The following AARS1 variants were observed in gnomAD, a reference collection of about 807,000 sequenced individuals.
AARS1 encodes alanine--tRNA ligase, cytoplasmic.
AARS1 carries 72 observed loss-of-function variants against 108.9 expected under a neutral mutation model. The observed-to-expected ratio is 0.66, with a 90% confidence interval of 0.55 to 0.80. The LOEUF (loss-of-function observed/expected upper bound fraction) is 0.80. Among genes scored for constraint, AARS1 ranks in the 30% least tolerant of loss-of-function variants. The pLI is 0.00. For synonymous variants in AARS1, 489 were observed against 465.7 expected (o/e 1.05, Z -0.64); for missense variants, 1,193 against 1,233.2 (o/e 0.97, Z 0.49).
At chr16:70,254,066 C>A (rs752099746) in intron 17 of AARS1, 28 bp from the exon 18 acceptor site, 59 of 1,613,114 alleles carry the variant, frequency 3.7e-5, no homozygotes, top group Non-Finnish European at 5.0e-5. Context: ...CCATCTCAAT[C>A]TGGGCCACAA....
Position 70,252,874 on chromosome 16 carries a change from C to T in AARS1, c.2754G>A (p.Glu918=), listed in dbSNP as rs754523456. The change falls in exon 21 of 21, where the codon GAG becomes GAA. Residue 918 remains glutamate (E), a synonymous_variant. Coordinates refer to ENST00000261772, the MANE Select transcript of AARS1 (RefSeq NM_001605.3). ...NAANRGLKAS[E]WVQQVSGLMD... is the part of the protein sequence containing the mutation. ...TCAAGCCTGACACCTGCTGCACCCACTCGCTGGCTTTTAAGCCCCGATTGG... is the reference window on the plus strand; with the variant it reads ...TCAAGCCTGACACCTGCTGCACCCATTCGCTGGCTTTTAAGCCCCGATTGG... 8 of 1,614,142 alleles carry T rather than the reference C, an allele frequency of 5.0e-6. No homozygotes were observed. The Admixed American group carries it at 5.0e-5, about 10-fold the overall frequency.
chr16:70,270,088 T>C, intron 6 of AARS1, 108 bp downstream of exon 6: 8 of 1,383,324 alleles, frequency 5.8e-6, no homozygotes, highest in Non-Finnish European at 8.2e-6. Flanking sequence ...TGGAAATGGG[T>C]ACCCTTGGCT....
At chr16:70,262,906 T>G (rs1960169287) in intron 11 of AARS1, among the ~76,000 whole-genome samples, 1 of 131,184 alleles carries the variant, frequency 7.6e-6, no homozygotes, top group African/African-American at 3.0e-5. Flanking sequence ...AGGCGGAGCT[T>G]GCAGTGAGCC....
chr16:70,283,185 T>G, intron 1 of AARS1, among the ~76,000 whole-genome samples: 1 of 151,994 alleles, frequency 6.6e-6, no homozygotes, highest in East Asian at 1.9e-4. Context: ...GATCACAAGG[T>G]CAGGAGTTCA....
At position 70,265,642 on chromosome 16, in the gene AARS1, A is replaced by C; in HGVS notation, c.1243T>G (p.Tyr415Asp). The change falls in exon 10 of 21, where the codon TAT becomes GAT. Residue 415 changes from tyrosine to aspartate, a missense_variant. Transcript: ENST00000261772. The part of the protein sequence containing the change: ...TIPGDTAWLL[Y>D]DTYGFPVDLT... ...TCCACTGGAAACCCATAGGTGTCAT[A>C]GAGGAGCCAAGCAGTGTCTCCTACA... 6.2e-7 allele frequency: 1 copy of C among 1,613,954 alleles called. No homozygotes were observed. Among genetic ancestry groups the C allele is most frequent in the Non-Finnish European group, 8.5e-7 (1 of 1,179,882 alleles).
intron 5 of AARS1, 51 bp from the exon 6 acceptor site, chr16:70,270,391 C>G (rs1307175655): frequency 6.2e-7 from 1 of 1,606,242 alleles, no homozygotes; most frequent in Non-Finnish European, 8.5e-7. Context: ...AAGCTGCCAC[C>G]TCTCCAGTCC....
chr16:70,255,384 G>C (rs757358340), intron 16 of AARS1, among the ~76,000 whole-genome samples: 1 of 151,942 alleles, frequency 6.6e-6, no homozygotes, highest in Non-Finnish European at 1.5e-5. Context: ...ATTTTTAGTA[G>C]AGACAGGGTT....
At position 70,255,828 on chromosome 16, in the gene AARS1, C is replaced by T. The variant is rs142850278; in HGVS notation, c.2186G>A (p.Arg729Gln). ...SVEFCGGTHL[R>Q]NSSHAGAFVI... ...AAAAGCTCCTGCATGACTCGAGTTC[C>T]GCAGGTGCCTGAATGGCAGAACACA... Residue 729 changes from arginine (R) to glutamine (Q), a missense_variant, in exon 16 of 21, where the codon CGG becomes CAG. Coordinates refer to ENST00000261772, the MANE Select transcript of AARS1 (RefSeq NM_001605.3). 79 of 1,613,434 alleles carry T rather than the reference C, an allele frequency of 4.9e-5. No homozygotes were observed. Among genetic ancestry groups the T allele is most frequent in the East Asian group, 1.3e-4 (6 of 44,842 alleles).
intron 9 of AARS1, among the ~76,000 whole-genome samples, chr16:70,267,379 C>A (rs1960287974): frequency 6.6e-6 from 1 of 152,146 alleles, no homozygotes; most frequent in Admixed American, 6.6e-5. Flanking sequence ...GAGTTCTACA[C>A]CAAACCATTA....
chr16:70,277,193 C>G, intron 2 of AARS1, 39 bp from the exon 3 acceptor site: 1 of 1,596,548 alleles, frequency 6.3e-7, no homozygotes, highest in Non-Finnish European at 8.6e-7. Context: ...TTAAAGGGTG[C>G]AAGTGATGTC....
At position 70,259,113 on chromosome 16, in the gene AARS1, C is replaced by T; in HGVS notation, c.1859G>A (p.Gly620Glu). 6.2e-7 allele frequency: 1 copy of T among 1,614,162 alleles called. No individual in the cohort carries two copies. Among genetic ancestry groups the T allele is most frequent in the Non-Finnish European group, 8.5e-7 (1 of 1,180,032 alleles). Residue 620 changes from glycine to glutamate, a missense_variant, in exon 14 of 21, where the codon GGG (glycine) becomes GAG (glutamate). Transcript: ENST00000261772. ...CAATGAGCCTTTCTGGTCAGCTTCC[C>T]CAAGCACTGAGCGCAGGGCGAAGTT... ...ILNFALRSVL[G>E]EADQKGSLVA... is the part of the protein sequence containing the mutation.
chr16:70,287,128 G>A (rs1190927975), intron 1 of AARS1, among the ~76,000 whole-genome samples: 2 of 151,492 alleles, frequency 1.3e-5, no homozygotes, highest in Non-Finnish European at 2.9e-5. Context: ...GCGGGCGCCT[G>A]TAGTCCCAGC....
intron 2 of AARS1, among the ~76,000 whole-genome samples, 191 bp downstream of exon 2, chr16:70,282,429 C>G (rs953805642): frequency 6.6e-6 from 1 of 151,718 alleles, no homozygotes; most frequent in Non-Finnish European, 1.5e-5. Context: ...ATTCGCTTCT[C>G]ACTAATACCT....
chr16:70,288,098 CTTTTTTTTTTT>C (rs34369477), intron 1 of AARS1, among the ~76,000 whole-genome samples: 1 of 83,888 alleles, frequency 1.2e-5, no homozygotes, highest in Non-Finnish European at 2.2e-5. Flanking sequence ...TCCCCTTCTT[CTTTTTTTTTTT>C]TTTTTTTTTT....
At chr16:70,282,101 C>G in intron 2 of AARS1, among the ~76,000 whole-genome samples, 1 of 135,956 alleles carries the variant, frequency 7.4e-6, no homozygotes, top group Non-Finnish European at 1.6e-5. Flanking sequence ...GCAGTGAGCA[C>G]AGATCACGCC....
intron 20 of AARS1, 148 bp from the exon 21 acceptor site, chr16:70,253,054 G>C (rs1959881502): frequency 5.8e-6 from 6 of 1,038,158 alleles, no homozygotes; most frequent in African/African-American, 1.6e-5. Flanking sequence ...GCTGGTACAG[G>C]GGGCGGCCAT....
intron 2 of AARS1, among the ~76,000 whole-genome samples, chr16:70,278,373 C>G (rs1960603721): frequency 6.6e-6 from 1 of 151,838 alleles, no homozygotes; most frequent in Non-Finnish European, 1.5e-5. Flanking sequence ...CGAGACCAGC[C>G]TGACCAACAT....
rs955678548 is a variant in AARS1 at position 70,253,670 on chromosome 16, G to A, written c.2607+44C>T. 1.3e-5 allele frequency: 21 copies of A among 1,597,486 alleles called. No individual in the cohort carries two copies. The highest frequency in any genetic ancestry group is 1.7e-5 in the Admixed American group (1 of 60,004). ...CAGAGGCCACATGTCAGCCACCAGA[G>A]AGCTGATGAGCCCTAGGGGAGGGGA... On this transcript the variant is annotated intron_variant, in intron 19 of 20. Transcript: ENST00000261772.
chr16:70,266,527 TC>T (rs1960267625), intron 9 of AARS1, among the ~76,000 whole-genome samples: 1 of 150,568 alleles, frequency 6.6e-6, no homozygotes. Context: ...TGGACAATTT[TC>T]TATTTCTTTT....
Sources: gnomAD v4.1 joint callset for allele counts (sites outside exome capture counted in the v4.1 genomes callset) on GRCh38, gnomAD v4.1.1 for gene constraint, MANE v1.5 for transcripts, NCBI Gene and HGNC (gene_info 2026-07-23, HGNC 2026-07-21) for gene names.